The following ZNF329 variants were observed in gnomAD, a reference collection of about 807,000 sequenced individuals.
The protein encoded by ZNF329 is zinc finger protein 329.
Under a neutral mutation model 26.6 loss-of-function variants are expected in ZNF329, and 15 were observed. The ratio of observed to expected loss-of-function variants is 0.56; its 90% CI spans 0.38 to 0.87. The LOEUF (loss-of-function observed/expected upper bound fraction) is 0.87. ZNF329 is among the 40% of genes least tolerant of loss of function. The pLI is 0.00. For synonymous variants in ZNF329, 239 were observed against 233.5 expected (o/e 1.02, Z -0.21); for missense variants, 651 against 651.9 (o/e 1.00, Z 0.02).
At chr19:58,152,620 G>A (rs2075477453), upstream of ZNF329, among the ~76,000 whole-genome samples, 1 of 152,136 alleles carries the variant, frequency 6.6e-6, no homozygotes, top group African/African-American at 2.4e-5. Context: ...CACTTTGGGA[G>A]GCCGAGGCAG....
At chr19:58,144,846 TTTTC>T (rs2075271248) in intron 1 of ZNF329, among the ~76,000 whole-genome samples, 1 of 122,736 alleles carries the variant, frequency 8.1e-6, no homozygotes, top group Non-Finnish European at 1.7e-5. Context: ...GGATAATTTT[TTTTC>T]TTTTTTTTTT....
intron 3 of ZNF329, among the ~76,000 whole-genome samples, chr19:58,139,067 G>C (rs769176434): frequency 3.9e-5 from 6 of 152,018 alleles, no homozygotes; most frequent in Non-Finnish European, 8.8e-5. Flanking sequence ...TATTCTCTTA[G>C]AAATAAAAAT....
intron 3 of ZNF329, among the ~76,000 whole-genome samples, chr19:58,130,972 T>C (rs1215418847): frequency 6.6e-6 from 1 of 152,090 alleles, no homozygotes; most frequent in Admixed American, 6.6e-5. Context: ...CCTCCCAAAA[T>C]GCTGCAAATA....
intron 3 of ZNF329, chr19:58,132,230 TTGGCAGGGTACCTTAG>T (rs1240542681): frequency 9.2e-5 from 14 of 152,116 alleles, no homozygotes; most frequent in African/African-American, 3.4e-4. Flanking sequence ...GTCAGCGTGC[TTGGCAGGGTACCTTAG>T]TGGCAGCTGT....
intron 1 of ZNF329, among the ~76,000 whole-genome samples, chr19:58,147,301 G>A (rs1448255921): frequency 3.4e-4 from 52 of 151,232 alleles, no homozygotes; most frequent in African/African-American, 1.2e-3. Context: ...GAAGTGAGGA[G>A]CCCCTCCGCC....
At position 58,145,718 on chromosome 19, in the gene ZNF329, T is replaced by A. The variant is rs75304209; in HGVS notation, c.-207-2520A>T. The stretch of plus-strand genomic sequence containing the variant: ...TGAGTAATACACCATGAACATAAGA[T>A]TAAAAGAACATTCAAAGTACCATCT... On this transcript the variant is annotated intron_variant, in intron 1 of 3. Coordinates refer to ENST00000598312, the MANE Select transcript of ZNF329 (RefSeq NM_024620.4). Among the ~76,000 whole-genome samples the A allele has an allele frequency of 3.1e-3, 475 of 151,768 alleles. 3 individuals are homozygous for A. Among genetic ancestry groups the A allele is most frequent in the African/African-American group, 0.011 (466 of 41,282 alleles).
intron 1 of ZNF329, among the ~76,000 whole-genome samples, chr19:58,145,698 A>G (rs534341263): frequency 2.0e-5 from 3 of 152,192 alleles, no homozygotes; most frequent in African/African-American, 7.2e-5. Context: ...CAAAATGAGT[A>G]ATACACCATG....
At chr19:58,137,809 C>CAAAAAA (rs72295173) in intron 3 of ZNF329, among the ~76,000 whole-genome samples, 411 of 76,108 alleles carry the variant, frequency 5.4e-3, no homozygotes, top group Non-Finnish European at 7.2e-3. Flanking sequence ...ACAAAAAATA[C>CAAAAAA]AAAAAAAAAA....
Position 58,127,881 on chromosome 19 carries a change from T to C in ZNF329, c.1623A>G (p.Thr541=). Residue 541 remains threonine, a synonymous_variant, in exon 4 of 4, where the codon ACA becomes ACG. Coordinates refer to ENST00000598312, the MANE Select transcript of ZNF329 (RefSeq NM_024620.4). ...RAHLGEQPME[T] ...AGACTCATGTGGCCCCCAACCATTA[T>C]GTTTCCATGGGTTGCTCTCCCAGGT... 1.3e-6 allele frequency: 2 copies of C among 1,579,006 alleles called. No homozygotes were observed. Among genetic ancestry groups the C allele is most frequent in the Admixed American group, 1.8e-5 (1 of 55,788 alleles).
chr19:58,146,487 T>A (rs1197203639), intron 1 of ZNF329, among the ~76,000 whole-genome samples: 1 of 150,600 alleles, frequency 6.6e-6, no homozygotes, highest in Non-Finnish European at 1.5e-5. Context: ...AAAAAAAAAG[T>A]AGGTGGTACC....
intron 1 of ZNF329, among the ~76,000 whole-genome samples, chr19:58,143,668 T>C (rs987095157): frequency 6.6e-6 from 1 of 152,184 alleles, no homozygotes; most frequent in African/African-American, 2.4e-5. Context: ...AAAGTAAGTA[T>C]ATCTCGTGCT....
chr19:58,146,942 G>A (rs2075325173), intron 1 of ZNF329, among the ~76,000 whole-genome samples: 1 of 152,152 alleles, frequency 6.6e-6, no homozygotes, highest in Non-Finnish European at 1.5e-5. Flanking sequence ...CTCCCAAAGT[G>A]CCGAGAGTGC....
At chr19:58,147,506 G>A (rs376460183) in intron 1 of ZNF329, among the ~76,000 whole-genome samples, 25,522 of 139,582 alleles carry the variant, frequency 0.18, 2,335 homozygotes, top group Middle Eastern at 0.27. Flanking sequence ...GAAGTGAGGA[G>A]CCCCTCTGCC....
chr19:58,146,124 T>C (rs570227201), intron 1 of ZNF329, among the ~76,000 whole-genome samples: 35 of 151,832 alleles, frequency 2.3e-4, no homozygotes, highest in African/African-American at 7.7e-4. Context: ...CCAAAAACCA[T>C]ACAAACTGTA....
At chr19:58,141,969 G>A (rs2075200606) in intron 3 of ZNF329, among the ~76,000 whole-genome samples, 1 of 152,224 alleles carries the variant, frequency 6.6e-6, no homozygotes, top group African/African-American at 2.4e-5. Context: ...GCTGAGGCAG[G>A]AGAATTGCTT....
intron 1 of ZNF329, among the ~76,000 whole-genome samples, chr19:58,148,917 A>C (rs769629845): frequency 6.6e-6 from 1 of 152,238 alleles, no homozygotes; most frequent in Non-Finnish European, 1.5e-5. Context: ...CGTTTGAACC[A>C]AAGCAAACCT....
chr19:58,148,386 T>G (rs113931751), intron 1 of ZNF329, among the ~76,000 whole-genome samples: 1,078 of 101,246 alleles, frequency 0.011, 23 homozygotes, highest in African/African-American at 0.043. Flanking sequence ...CCAAGAATGA[T>G]CAATTAAAAA....
At position 58,126,437 on chromosome 19, in the gene ZNF329, T is replaced by G. The variant is rs1323076058; in HGVS notation, c.*1441A>C. 1.3e-5 allele frequency: 2 copies of G among 152,222 alleles called. No individual in the cohort carries two copies. Among genetic ancestry groups the G allele is most frequent in the East Asian group, 3.8e-4 (2 of 5,198 alleles). The allele number at this position is 152,222 out of a possible 1,614,324, so 9.4% of individuals were successfully genotyped here. A position where few individuals can be genotyped will look rare whatever the true frequency, so the allele number is the denominator to read the frequency against. ...CTGGAATAATAGTAAATCTTCTATT[T>G]GATGCCCCTTTTTGCCATATTATAA... On this transcript the variant is annotated 3_prime_UTR_variant, in exon 4 of 4. Transcript: ENST00000598312.
rs115405905 is a variant in ZNF329, at chr19:58,133,164, G to A, written c.-8-3653C>T. Among the ~76,000 whole-genome samples, 1,197 of 152,282 alleles carry A rather than the reference G, an allele frequency of 7.9e-3. 27 individuals are homozygous for A. The highest frequency in any genetic ancestry group is 0.027 in the African/African-American group (1,109 of 41,546). ...AGAAGAGAAACCACCAGTGAATGAC[G>A]AAAATTATTACAATAGATCACTTAA... On this transcript the variant is annotated intron_variant, in intron 3 of 3. Coordinates refer to ENST00000598312, the MANE Select transcript of ZNF329 (RefSeq NM_024620.4).
Sources: gnomAD v4.1 joint callset for allele counts (sites outside exome capture counted in the v4.1 genomes callset) on GRCh38, gnomAD v4.1.1 for gene constraint, MANE v1.5 for transcripts, NCBI Gene and HGNC (gene_info 2026-07-23, HGNC 2026-07-21) for gene names.